INTS1: variants seen among roughly 807,000 people sequenced by gnomAD.
INTS1 encodes the protein integrator complex subunit 1.
Under a neutral mutation model 241.6 loss-of-function variants are expected in INTS1, and 137 were observed. That is an observed-to-expected ratio of 0.57 (90% CI 0.49 to 0.65). INTS1 has a LOEUF of 0.65. INTS1 is among the 30% of genes least tolerant of loss of function. The pLI is 0.00. For missense variants in INTS1, 3,073 were observed against 3,032.2 expected (o/e 1.01, Z -0.32); for synonymous variants, 1,692 against 1,337.8 (o/e 1.26, Z -5.78).
chr7:1,481,087 C>T lies in INTS1; in HGVS notation c.3851-154G>A, dbSNP rs1010733522. The T allele has an allele frequency of 4.4e-6, 3 of 686,596 alleles. No homozygotes were observed. The highest frequency in any genetic ancestry group is 2.3e-5 in the Admixed American group (1 of 42,568). 42.5% of individuals were successfully genotyped at this position (686,596 alleles called of 1,614,324 possible). A position where few individuals can be genotyped will look rare whatever the true frequency, so the allele number is the denominator to read the frequency against. ...GGGTGAGCTCAGTCAGCACTGAGGCCCCAACAGCTCCCTCCAAGCTCAAAA... is the reference window on the plus strand; with the variant it reads ...GGGTGAGCTCAGTCAGCACTGAGGCTCCAACAGCTCCCTCCAAGCTCAAAA... On this transcript the variant is annotated intron_variant, in intron 28 of 47. Coordinates refer to ENST00000404767, the MANE Select transcript of INTS1 (RefSeq NM_001080453.3). This position sits in a 1 kb window ranked among gnomAD's most constrained non-coding sequence, Gnocchi z 6.8.
chr7:1,471,808 C>G lies in INTS1; in HGVS notation c.6185-167G>C, dbSNP rs1584253581. 21 of 646,086 alleles carry G rather than the reference C, an allele frequency of 3.3e-5. No homozygotes were observed. In the East Asian group the frequency reaches 5.7e-4, roughly 18 times the overall value. The allele number at this position is 646,086 out of a possible 1,614,324, so 40.0% of individuals were successfully genotyped here. ...GGCAGTCACCTGCCCCCAAGCTCCA[C>G]AAATACCCGGCCCTGCCCCTACTAG... On this transcript the variant is annotated intron_variant, in intron 44 of 47. Transcript: ENST00000404767.
At position 1,487,831 on chromosome 7, in the gene INTS1, G is replaced by A. The variant is rs368876822; in HGVS notation, c.2445C>T (p.Ala815=). The change falls in exon 19 of 48, where the codon GCC becomes GCT. Residue 815 remains alanine (A), a synonymous_variant. Coordinates refer to ENST00000404767, the MANE Select transcript of INTS1 (RefSeq NM_001080453.3). ...CAGTGATGGTCTGCTTGGTGGACGC[G>A]GCCGCCAGGTGCCCCTCGAAGGCCA... ...EILAFEGHLA[A]ASTKQTITES... The A allele has an allele frequency of 1.7e-5, 28 of 1,613,074 alleles. No homozygotes were observed. Among genetic ancestry groups the A allele is most frequent in the East Asian group, 1.1e-4 (5 of 44,878 alleles).
At chr7:1,476,487 A>ACCACCGCCTCTCCCGGATGGG (rs757849568) in intron 37 of INTS1, 32 bp from the exon 38 acceptor site, 15 of 1,093,798 alleles carry the variant, frequency 1.4e-5, no homozygotes, top group African/African-American at 1.2e-4. Flanking sequence ...GCCCCGGAGC[A>ACCACCGCCTCTCCCGGATGGG]CCACCGCCTC....
In INTS1 at chr7:1,476,803, C is replaced by T. The variant is rs763411125; in HGVS notation, c.5054G>A (p.Arg1685Gln). The T allele has an allele frequency of 5.0e-6, 8 of 1,612,736 alleles. No individual in the cohort carries two copies. The highest frequency in any genetic ancestry group is 6.8e-6 in the Non-Finnish European group (8 of 1,179,866). ...QCIRVLLGKS[R>Q]EQRFDPSASL... ...ACAGGGAGGCGCCCACCTCTGTTCC[C>T]GGCTCTTGCCCAGCAGGACTCGGAT... Residue 1685 changes from arginine (R) to glutamine (Q), a missense_variant, in exon 36 of 48, where the codon CGG (arginine) becomes CAG (glutamine). Arg to Gln is a conservative substitution (Grantham distance 43). Transcript: ENST00000404767.
chr7:1,492,593 G>A (rs1039708069), intron 16 of INTS1, among the ~76,000 whole-genome samples: 6 of 150,734 alleles, frequency 4.0e-5, no homozygotes, highest in Non-Finnish European at 7.4e-5. Flanking sequence ...ATTCTCTCTC[G>A]ATAAAGCCGT....
chr7:1,488,651 C>T (rs1183567877), intron 18 of INTS1, among the ~76,000 whole-genome samples: 2 of 152,168 alleles, frequency 1.3e-5, no homozygotes, highest in Middle Eastern at 3.2e-3. Flanking sequence ...CCCACAATAC[C>T]AGGGCCACAC....
intron 22 of INTS1, 30 bp downstream of exon 22, chr7:1,486,595 G>A (rs758957615): frequency 2.2e-5 from 36 of 1,603,258 alleles, no homozygotes; most frequent in South Asian, 6.7e-5. Context: ...CATGAAGAGC[G>A]TGCGCAGAAA....
chr7:1,477,647 G>C lies in INTS1; in HGVS notation c.4841C>G (p.Ser1614Trp). ...CAGCCAGTCCACTAGGAGGCCTGACGAGGGCCCCAGCCGCACGGCCTCCAG... is the reference window on the plus strand; with the variant it reads ...CAGCCAGTCCACTAGGAGGCCTGACCAGGGCCCCAGCCGCACGGCCTCCAG... ...GSLEAVRLGP[S>W]SGLLVDWLEM... Residue 1614 changes from serine (S) to tryptophan (W), a missense_variant, in exon 35 of 48, where the codon TCG becomes TGG. Coordinates refer to ENST00000404767, the MANE Select transcript of INTS1 (RefSeq NM_001080453.3). The C allele has an allele frequency of 6.3e-7, 1 of 1,593,018 alleles. No individual in the cohort carries two copies. Among genetic ancestry groups the C allele is most frequent in the South Asian group, 1.1e-5 (1 of 88,166 alleles).
chr7:1,498,387 G>C (rs1444455136), intron 10 of INTS1, 25 bp downstream of exon 10: 1 of 1,612,204 alleles, frequency 6.2e-7, no homozygotes, highest in Non-Finnish European at 8.5e-7. Flanking sequence ...GGCGTGGAGG[G>C]CAAGGCCAGG....
In INTS1 at chr7:1,496,034, C is replaced by T. The variant is rs541867744; in HGVS notation, c.1711+122G>A. 112 of 700,980 alleles carry T rather than the reference C, an allele frequency of 1.6e-4. 1 individual carries two copies. In the South Asian group the frequency reaches 2.0e-3, roughly 13 times the overall value. 43.4% of individuals were successfully genotyped at this position (700,980 alleles called of 1,614,324 possible). A position where few individuals can be genotyped will look rare whatever the true frequency, so the allele number is the denominator to read the frequency against. On this transcript the variant is annotated intron_variant, in intron 12 of 47. Coordinates refer to ENST00000404767, the MANE Select transcript of INTS1 (RefSeq NM_001080453.3). Reference sequence around the variant, plus strand: ...TTCCAGGCTCCGTGTCCCCGAGTAGCCGTGCTGCGGGACCGCTCCTGCCGG... The same window carrying T: ...TTCCAGGCTCCGTGTCCCCGAGTAGTCGTGCTGCGGGACCGCTCCTGCCGG...
intron 14 of INTS1, 52 bp downstream of exon 14, chr7:1,494,764 C>G (rs958335183): frequency 6.5e-7 from 1 of 1,534,124 alleles, no homozygotes; most frequent in Non-Finnish European, 8.8e-7. Context: ...CCCGGCACCC[C>G]GCAGCCCCGC....
Position 1,487,916 on chromosome 7 carries a change from G to T in INTS1, c.2360C>A (p.Thr787Asn). 6.2e-7 allele frequency: 1 copy of T among 1,613,488 alleles called. No individual in the cohort carries two copies. The highest frequency in any genetic ancestry group is 8.5e-7 in the Non-Finnish European group (1 of 1,179,852). Residue 787 changes from threonine (T) to asparagine (N), a missense_variant, in exon 19 of 48, where the codon ACC becomes AAC. By Grantham distance (65) the Thr-to-Asn change is moderately conservative (BLOSUM62 0). Coordinates refer to ENST00000404767, the MANE Select transcript of INTS1 (RefSeq NM_001080453.3). ...CTCACGGTTCAGCATCTCCGTCCGG[G>T]TCTCCTCATCCGTCAGGGTGCACGG... is the stretch of plus-strand genomic sequence containing the variant. ...YPPCTLTDEE[T>N]RTEMLNRELQ...
In INTS1 at chr7:1,470,541, G is replaced by C; in HGVS notation, c.*36C>G. ...CCTCGAGGATCCCCGGGGACGGGAC[G>C]GGCCGGGGCTTGGAGGGGGGTCGGC... On this transcript the variant is annotated 3_prime_UTR_variant, in exon 48 of 48. Coordinates refer to ENST00000404767, the MANE Select transcript of INTS1 (RefSeq NM_001080453.3). 2 of 1,456,868 alleles carry C rather than the reference G, an allele frequency of 1.4e-6. No individual in the cohort carries two copies. Among genetic ancestry groups the C allele is most frequent in the Non-Finnish European group, 9.3e-7 (1 of 1,075,834 alleles). 90.2% of individuals were successfully genotyped at this position (1,456,868 alleles called of 1,614,324 possible).
chr7:1,493,089 C>T lies in INTS1; in HGVS notation c.2086G>A (p.Val696Met). The change falls in exon 16 of 48, where the codon GTG (valine) becomes ATG (methionine). Residue 696 changes from valine to methionine, a missense_variant. By Grantham distance (21) the Val-to-Met change is conservative. Coordinates refer to ENST00000404767, the MANE Select transcript of INTS1 (RefSeq NM_001080453.3). The surrounding 1 kb of genome is among the most constrained non-coding windows in gnomAD (Gnocchi z 5.3). ...VQADDVEVLK[V>M]GRTQLIDAVL... is the part of the protein sequence containing the mutation. ...GCGTCGATCAGCTGGGTCCTCCCCACCTTCAGCACCTCCACATCTAAGACC... is the reference window on the plus strand; with the variant it reads ...GCGTCGATCAGCTGGGTCCTCCCCATCTTCAGCACCTCCACATCTAAGACC... The T allele has an allele frequency of 2.5e-6, 4 of 1,613,476 alleles. No homozygotes were observed. Among genetic ancestry groups the T allele is most frequent in the Non-Finnish European group, 3.4e-6 (4 of 1,179,512 alleles).
At chr7:1,473,257 G>T in intron 42 of INTS1, 73 bp from the exon 43 acceptor site, 1 of 1,081,102 alleles carries the variant, frequency 9.2e-7, no homozygotes, top group Non-Finnish European at 1.4e-6. Flanking sequence ...GGTCAAACTA[G>T]GGTGGCATGG....
rs1782895690 is a variant in INTS1 at position 1,497,011 on chromosome 7, A to G, written c.1602+127T>C. The G allele has an allele frequency of 1.0e-6, 1 of 963,110 alleles. No individual in the cohort carries two copies. Among genetic ancestry groups the G allele is most frequent in the Non-Finnish European group, 1.5e-6 (1 of 668,550 alleles). 59.7% of individuals were successfully genotyped at this position (963,110 alleles called of 1,614,324 possible). A position where few individuals can be genotyped will look rare whatever the true frequency, so the allele number is the denominator to read the frequency against. On this transcript the variant is annotated intron_variant, in intron 11 of 47. Transcript: ENST00000404767. This position sits in a 1 kb window ranked among gnomAD's most constrained non-coding sequence, Gnocchi z 5.3. The stretch of plus-strand genomic sequence containing the variant: ...CGCGTCACCGCAAACAGCCTCACTC[A>G]TCCCCGTACCCACGCTCAGCCAGAG...
At position 1,481,990 on chromosome 7, in the gene INTS1, C is replaced by A. The variant is rs113991696; in HGVS notation, c.3704-502G>T. 1.3e-5 allele frequency among the ~76,000 whole-genome samples: 2 copies of A among 152,180 alleles called. No homozygotes were observed. Among genetic ancestry groups the A allele is most frequent in the Non-Finnish European group, 2.9e-5 (2 of 68,010 alleles). The stretch of plus-strand genomic sequence containing the variant: ...GACTATCTTCTCTCAGTGCTCAGGG[C>A]GCTCTTGCCCCGAAGCCATCGGTGG... On this transcript the variant is annotated intron_variant, in intron 27 of 47. Coordinates refer to ENST00000404767, the MANE Select transcript of INTS1 (RefSeq NM_001080453.3). The surrounding 1 kb of genome is among the most constrained non-coding windows in gnomAD (Gnocchi z 6.8).
At chr7:1,484,727 C>T (rs911415752) in intron 24 of INTS1, among the ~76,000 whole-genome samples, 52 of 152,184 alleles carry the variant, frequency 3.4e-4, no homozygotes, top group African/African-American at 1.2e-3. Flanking sequence ...CCCTCACCCC[C>T]GTGGCTTCGC....
At chr7:1,475,918 C>T (rs1404569898) in intron 39 of INTS1, 30 bp downstream of exon 39, 13 of 1,523,548 alleles carry the variant, frequency 8.5e-6, no homozygotes, top group Non-Finnish European at 1.1e-5. Flanking sequence ...CCTGGGACGG[C>T]GGCGGGGAGC....
Sources: allele counts gnomAD v4.1 joint callset (sites outside exome capture counted in the v4.1 genomes callset), GRCh38; gene constraint gnomAD v4.1.1; non-coding constraint Gnocchi (gnomAD v3.1); transcripts MANE v1.5; gene names NCBI Gene and HGNC (gene_info 2026-07-23, HGNC 2026-07-21).